Variants in KCNH8 observed in about 807,000 individuals in gnomAD.
KCNH8 encodes the protein potassium voltage-gated channel subfamily H member 8, also known as voltage-gated delayed rectifier potassium channel KCNH8.
A neutral mutation model predicts 103.6 loss-of-function variants in KCNH8; 70 were observed. The ratio of observed to expected loss-of-function variants is 0.68; its 90% CI spans 0.56 to 0.82. KCNH8 has a LOEUF of 0.82. Among genes scored for constraint, KCNH8 ranks in the 40% least tolerant of loss-of-function variants. The pLI, the probability that KCNH8 is intolerant of heterozygous loss-of-function variation, is 0.00. For missense variants in KCNH8, 1,217 were observed against 1,329.9 expected (o/e 0.92, Z 1.32); for synonymous variants, 498 against 489.4 (o/e 1.02, Z -0.23).
At position 19,414,140 on chromosome 3, in the gene KCNH8, C is replaced by T. The variant is rs568942770; in HGVS notation, c.1177+18829C>T. Among the ~76,000 whole-genome samples the T allele has an allele frequency of 3.3e-5, 5 of 152,200 alleles. No homozygotes were observed. The East Asian group carries it at 7.7e-4, about 24-fold the overall frequency. On this transcript the variant is annotated intron_variant, in intron 7 of 15. Coordinates refer to ENST00000328405, the MANE Select transcript of KCNH8 (RefSeq NM_144633.3). ...GACAATCGTCCCTCTACAGCTTAGACATTGCTTTAAAACGTAACAGTCACT... is the reference window on the plus strand; with the variant it reads ...GACAATCGTCCCTCTACAGCTTAGATATTGCTTTAAAACGTAACAGTCACT...
intron 7 of KCNH8, among the ~76,000 whole-genome samples, chr3:19,405,915 T>G (rs1045089461): frequency 6.6e-6 from 1 of 152,062 alleles, no homozygotes; most frequent in Non-Finnish European, 1.5e-5. Context: ...TAATATGTCA[T>G]ATATAAATGA....
chr3:19,484,700 G>A (rs988173033), intron 11 of KCNH8, among the ~76,000 whole-genome samples: 1 of 151,940 alleles, frequency 6.6e-6, no homozygotes, highest in Non-Finnish European at 1.5e-5. Context: ...GCTGTAAAGG[G>A]GCTACGTTCC....
At chr3:19,369,789 A>C (rs140458272) in intron 5 of KCNH8, among the ~76,000 whole-genome samples, 1 of 151,976 alleles carries the variant, frequency 6.6e-6, no homozygotes, top group African/African-American at 2.4e-5. Flanking sequence ...GATAAAATCA[A>C]ACTCGAAACC....
chr3:19,525,585 T>C (rs2069050808), intron 15 of KCNH8, among the ~76,000 whole-genome samples: 1 of 151,906 alleles, frequency 6.6e-6, no homozygotes, highest in African/African-American at 2.4e-5. Flanking sequence ...TAGATTACCA[T>C]GGTACAGCTG....
chr3:19,483,586 T>C (rs558445007), intron 11 of KCNH8, among the ~76,000 whole-genome samples: 6 of 152,212 alleles, frequency 3.9e-5, no homozygotes, highest in Admixed American at 6.5e-5. Flanking sequence ...GAAGTGACAT[T>C]GAGAAACTGG....
rs115503648 is a variant in KCNH8, at chr3:19,451,301, G to C, written c.1722G>C (p.Pro574=). The C allele has an allele frequency of 3.7e-6, 6 of 1,613,718 alleles. No homozygotes were observed. Among genetic ancestry groups the C allele is most frequent in the African/African-American group, 1.3e-5 (1 of 74,862 alleles). Residue 574 remains proline, a synonymous_variant, in exon 10 of 16, where the codon CCG becomes CCC. Transcript: ENST00000328405. The part of the protein sequence containing the change: ...SLHIKTSFCA[P]GEYLLRQGDA... ...ACATCAAAACCTCTTTCTGTGCTCC[G>C]GGGGAGTATCTGCTGCGTCAAGGGG...
chr3:19,264,649 A>G (rs2064483425), intron 2 of KCNH8, among the ~76,000 whole-genome samples: 3 of 152,008 alleles, frequency 2.0e-5, no homozygotes, highest in Non-Finnish European at 1.5e-5. Flanking sequence ...CCATACTTTC[A>G]CTTCTTCAAA....
intron 4 of KCNH8, chr3:19,346,619 C>T (rs1189156490): frequency 6.6e-6 from 3 of 456,096 alleles, no homozygotes; most frequent in African/African-American, 4.0e-5. Context: ...GCTAAATGTT[C>T]CTGATCTTTC....
chr3:19,448,799 C>T, intron 8 of KCNH8: 6 of 232,112 alleles, frequency 2.6e-5, no homozygotes, highest in Middle Eastern at 6.7e-4. Flanking sequence ...ATGATTTTAC[C>T]CAACACATAA....
rs1417837078 is a variant in KCNH8, at chr3:19,518,023, C to G, written c.2568C>G (p.Leu856=). 6.2e-7 allele frequency: 1 copy of G among 1,612,332 alleles called. No homozygotes were observed. Among genetic ancestry groups the G allele is most frequent in the South Asian group, 1.1e-5 (1 of 91,036 alleles). ...ATCCAGAGATTGGAGCTGCTGTTCT[C>G]TTCATCAAAGCAGAGGAGACCAAGC... The part of the protein sequence containing the change: ...LGDPEIGAAV[L]FIKAEETKQQ... The change falls in exon 15 of 16, where the codon CTC becomes CTG. Residue 856 remains leucine (L), a synonymous_variant. Coordinates refer to ENST00000328405, the MANE Select transcript of KCNH8 (RefSeq NM_144633.3).
At chr3:19,157,897 G>A (rs541452929) in intron 1 of KCNH8, among the ~76,000 whole-genome samples, 1 of 151,712 alleles carries the variant, frequency 6.6e-6, no homozygotes, top group Non-Finnish European at 1.5e-5. Context: ...CATTGTCCCA[G>A]TTTTGGTTGG....
At chr3:19,203,173 T>G (rs1252966170) in intron 1 of KCNH8, among the ~76,000 whole-genome samples, 1 of 152,174 alleles carries the variant, frequency 6.6e-6, no homozygotes, top group African/African-American at 2.4e-5. Flanking sequence ...GCCCCCCTTG[T>G]GTAGAAGACT....
At chr3:19,241,833 C>T (rs35542398) in intron 1 of KCNH8, among the ~76,000 whole-genome samples, 9,232 of 152,032 alleles carry the variant, frequency 0.061, 934 homozygotes, top group African/African-American at 0.21. Flanking sequence ...ATAAGGGGCT[C>T]AGGTATGTGT....
intron 5 of KCNH8, among the ~76,000 whole-genome samples, chr3:19,356,155 A>G (rs1575552360): frequency 6.6e-6 from 1 of 152,018 alleles, no homozygotes; most frequent in East Asian, 1.9e-4. Context: ...TGAGAAATAA[A>G]TGTTTCATGA....
chr3:19,478,069 C>A (rs146367197), intron 11 of KCNH8, among the ~76,000 whole-genome samples: 1 of 152,114 alleles, frequency 6.6e-6, no homozygotes, highest in Admixed American at 6.6e-5. Flanking sequence ...CAGTTACACC[C>A]ATGTTACTGC....
At chr3:19,341,437 T>G (rs2065658569) in intron 3 of KCNH8, among the ~76,000 whole-genome samples, 1 of 151,894 alleles carries the variant, frequency 6.6e-6, no homozygotes, top group Non-Finnish European at 1.5e-5. Flanking sequence ...GGGGAGGTGG[T>G]CCTCTCCTGC....
chr3:19,501,758 T>A (rs2068588041), intron 11 of KCNH8, among the ~76,000 whole-genome samples: 1 of 152,174 alleles, frequency 6.6e-6, no homozygotes, highest in Admixed American at 6.5e-5. Context: ...ATAAATTAGG[T>A]ATTGATGTGA....
chr3:19,510,422 CA>C, intron 12 of KCNH8, 21 bp downstream of exon 12: 2 of 1,450,274 alleles, frequency 1.4e-6, no homozygotes, highest in Non-Finnish European at 1.9e-6. Context: ...TGCTACACAG[CA>C]AAATATTTAT....
intron 5 of KCNH8, among the ~76,000 whole-genome samples, chr3:19,371,402 T>C (rs199804793): frequency 0.15 from 22,244 of 151,012 alleles, 1,475 homozygotes; most frequent in East Asian, 0.21. Context: ...GCTGCATAAA[T>C]GTCTTCTTTT....
Sources: allele counts gnomAD v4.1 joint callset (sites outside exome capture counted in the v4.1 genomes callset), GRCh38; gene constraint gnomAD v4.1.1; transcripts MANE v1.5; gene names NCBI Gene and HGNC (gene_info 2026-07-23, HGNC 2026-07-21).